Variants in DNAJC6 observed in about 807,000 individuals in gnomAD.
DNAJC6 encodes the protein DnaJ heat shock protein family (Hsp40) member C6.
In DNAJC6, 34 loss-of-function variants were observed where a neutral mutation model predicts 110.0. The observed-to-expected ratio is 0.31, with a 90% CI of 0.24 to 0.41. The LOEUF (loss-of-function observed/expected upper bound fraction) is 0.41, where lower values mean the gene tolerates loss of function less well. Among genes scored for constraint, DNAJC6 ranks in the 10% least tolerant of loss-of-function variants. The pLI, the probability that DNAJC6 is intolerant of heterozygous loss-of-function variation, is 1.00. For synonymous variants in DNAJC6, 406 were observed against 437.2 expected (o/e 0.93, Z 0.89); for missense variants, 1,031 against 1,207.8 (o/e 0.85, Z 2.17).
chr1:65,410,472 G>C (rs1646118200), intron 17 of DNAJC6, among the ~76,000 whole-genome samples: 1 of 152,120 alleles, frequency 6.6e-6, no homozygotes, highest in East Asian at 1.9e-4. Flanking sequence ...ATAAAAGAAA[G>C]CTGTTTATTT....
intron 5 of DNAJC6, 149 bp from the exon 6 acceptor site, chr1:65,384,044 T>G: frequency 9.5e-7 from 1 of 1,049,692 alleles, no homozygotes; most frequent in Non-Finnish European, 1.3e-6. Flanking sequence ...CAAATTTTGG[T>G]TTTCAAGTGA....
chr1:65,280,884 T>A (rs1024975112), intron 1 of DNAJC6, among the ~76,000 whole-genome samples: 1 of 152,160 alleles, frequency 6.6e-6, no homozygotes, highest in Non-Finnish European at 1.5e-5. Flanking sequence ...ATTAGGTAGA[T>A]TTCCTCTCAA....
At chr1:65,364,920 T>A in intron 2 of DNAJC6, 135 bp downstream of exon 2, 1 of 1,276,966 alleles carries the variant, frequency 7.8e-7, no homozygotes, top group Non-Finnish European at 1.1e-6. Flanking sequence ...AACTGAGAAA[T>A]GTCATTGAAG....
intron 1 of DNAJC6, among the ~76,000 whole-genome samples, chr1:65,341,467 A>C (rs1322467802): frequency 6.6e-6 from 1 of 152,202 alleles, no homozygotes; most frequent in Non-Finnish European, 1.5e-5. Context: ...CTAAAAAGGC[A>C]GCAGAGGAGA....
At chr1:65,310,486 G>T (rs1645089272) in intron 1 of DNAJC6, among the ~76,000 whole-genome samples, 1 of 152,198 alleles carries the variant, frequency 6.6e-6, no homozygotes, top group Non-Finnish European at 1.5e-5. Flanking sequence ...CCTTTCTCCT[G>T]CAGTTTTTAA....
At chr1:65,384,994 C>G (rs1487326284) in intron 6 of DNAJC6, among the ~76,000 whole-genome samples, 5 of 152,212 alleles carry the variant, frequency 3.3e-5, no homozygotes, top group Non-Finnish European at 7.3e-5. Context: ...TGCCTCAGGT[C>G]TAATGCCCAG....
In DNAJC6 at chr1:65,389,664, T is replaced by C. The variant is rs765168146; in HGVS notation, c.1468+37T>C. ...TGTTTCTTTAAGTCACATGGTTTGATGATTATGTATTTCTTCTGTAAAGAT... is the reference window on the plus strand; with the variant it reads ...TGTTTCTTTAAGTCACATGGTTTGACGATTATGTATTTCTTCTGTAAAGAT... On this transcript the variant is annotated intron_variant, in intron 11 of 18. Coordinates refer to ENST00000371069, the MANE Select transcript of DNAJC6 (RefSeq NM_001256864.2). 8.1e-6 allele frequency: 13 copies of C among 1,600,410 alleles called. No individual in the cohort carries two copies. In the Admixed American group the frequency reaches 2.2e-4, roughly 27 times the overall value.
intron 1 of DNAJC6, among the ~76,000 whole-genome samples, chr1:65,329,895 T>G (rs1645272454): frequency 6.6e-6 from 1 of 152,200 alleles, no homozygotes; most frequent in Non-Finnish European, 1.5e-5. Flanking sequence ...ACTCTCTCAG[T>G]TCTGTATCTA....
chr1:65,378,565 A>C (rs1645789050), intron 4 of DNAJC6, among the ~76,000 whole-genome samples: 1 of 152,238 alleles, frequency 6.6e-6, no homozygotes. Flanking sequence ...GTCCAACTCT[A>C]AGCTTCTCCT....
intron 1 of DNAJC6, among the ~76,000 whole-genome samples, chr1:65,339,504 C>T (rs1171087619): frequency 1.3e-5 from 2 of 152,210 alleles, no homozygotes; most frequent in African/African-American, 4.8e-5. Context: ...AATAATGCCT[C>T]ATACATAGTA....
chr1:65,343,733 C>T (rs1343797802), intron 1 of DNAJC6, among the ~76,000 whole-genome samples: 1 of 151,252 alleles, frequency 6.6e-6, no homozygotes, highest in Non-Finnish European at 1.5e-5. Flanking sequence ...GCAAAAGTTC[C>T]TGACTTAATA....
At chr1:65,319,608 T>TC (rs1265012701) in intron 1 of DNAJC6, among the ~76,000 whole-genome samples, 1 of 150,456 alleles carries the variant, frequency 6.6e-6, no homozygotes, top group Admixed American at 6.6e-5. Flanking sequence ...GAATTTTTTT[T>TC]CAGAATTCTC....
At chr1:65,284,479 C>T (rs1247902053) in intron 1 of DNAJC6, among the ~76,000 whole-genome samples, 1 of 152,158 alleles carries the variant, frequency 6.6e-6, no homozygotes, top group Non-Finnish European at 1.5e-5. Flanking sequence ...CACCTCTCCT[C>T]TAGTACTGAG....
intron 1 of DNAJC6, among the ~76,000 whole-genome samples, chr1:65,287,467 T>A (rs1042405107): frequency 5.3e-5 from 8 of 152,346 alleles, no homozygotes; most frequent in Admixed American, 2.6e-4. Context: ...TTATTCCTAT[T>A]ACAATGTATT....
intron 1 of DNAJC6, among the ~76,000 whole-genome samples, chr1:65,285,775 T>C (rs909926872): frequency 2.6e-5 from 4 of 152,024 alleles, no homozygotes; most frequent in Non-Finnish European, 5.9e-5. Flanking sequence ...TGGATTCAAG[T>C]GATTCTCGTG....
chr1:65,355,973 C>A (rs1231444205), intron 1 of DNAJC6, among the ~76,000 whole-genome samples: 1 of 126,344 alleles, frequency 7.9e-6, no homozygotes, highest in Non-Finnish European at 1.6e-5. Flanking sequence ...ATGTGCCATT[C>A]TATTAATATT....
chr1:65,361,870 C>T (rs756298206), intron 1 of DNAJC6, among the ~76,000 whole-genome samples: 15 of 152,042 alleles, frequency 9.9e-5, no homozygotes, highest in Non-Finnish European at 2.1e-4. Context: ...AACAAATAGC[C>T]TACGTGTCCA....
chr1:65,381,973 G>A (rs1018899889), intron 5 of DNAJC6, among the ~76,000 whole-genome samples: 1 of 152,194 alleles, frequency 6.6e-6, no homozygotes, highest in African/African-American at 2.4e-5. Flanking sequence ...ACTTGGAGAA[G>A]CAATTATGGA....
At position 65,379,393 on chromosome 1, in the gene DNAJC6, C is replaced by T. The variant is rs2296481; in HGVS notation, c.544-9C>T. On this transcript the variant is annotated splice_polypyrimidine_tract_variant and intron_variant, in intron 4 of 18. Transcript: ENST00000371069. ...GAGGAATTAATTTCCTTTTGCTGTG[C>T]TCCCTTAGGTCTCAGAATGCAGTTG... The T allele has an allele frequency of 0.13, 210,120 of 1,612,582 alleles. 32,548 individuals carry two copies. Among genetic ancestry groups the T allele is most frequent in the East Asian group, 0.63 (28,407 of 44,824 alleles).
Sources: allele counts gnomAD v4.1 joint callset (sites outside exome capture counted in the v4.1 genomes callset), GRCh38; gene constraint gnomAD v4.1.1; transcripts MANE v1.5; gene names NCBI Gene and HGNC (gene_info 2026-07-23, HGNC 2026-07-21).